Variants in DNAH17 observed in about 807,000 individuals in gnomAD.
DNAH17 encodes the protein dynein axonemal heavy chain 17, also known as axonemal beta dynein heavy chain 17.
A neutral mutation model predicts 485.6 loss-of-function variants in DNAH17; 376 were observed. That is an observed-to-expected ratio of 0.77 (90% CI 0.71 to 0.84). The LOEUF is 0.84. Ranked by LOEUF, DNAH17 falls within the 40% of genes least tolerant of loss-of-function variation. DNAH17 has a pLI of 0.00. For missense variants in DNAH17, 6,370 were observed against 5,839.3 expected (o/e 1.09, Z -2.96); for synonymous variants, 3,031 against 2,405.9 (o/e 1.26, Z -7.60).
intron 17 of DNAH17, among the ~76,000 whole-genome samples, chr17:78,543,466 A>G (rs1001348109): frequency 5.3e-5 from 8 of 150,564 alleles, no homozygotes; most frequent in Non-Finnish European, 1.0e-4. Flanking sequence ...AATTTTTTGT[A>G]TTTTTAGTAG....
At chr17:78,537,967 C>T (rs995167940) in intron 18 of DNAH17, among the ~76,000 whole-genome samples, 12 of 152,048 alleles carry the variant, frequency 7.9e-5, no homozygotes, top group African/African-American at 2.7e-4. Flanking sequence ...GGCGAAGCCC[C>T]GTCTCTACTA....
At chr17:78,540,352 G>T (rs887517435) in intron 17 of DNAH17, among the ~76,000 whole-genome samples, 2 of 144,140 alleles carry the variant, frequency 1.4e-5, no homozygotes, top group Non-Finnish European at 1.5e-5. Flanking sequence ...GGGTGGGGTG[G>T]GTGGATGGAC....
chr17:78,454,782 G>A, intron 63 of DNAH17, 77 bp from the exon 64 acceptor site: 1 of 1,291,066 alleles, frequency 7.7e-7, no homozygotes, highest in Non-Finnish European at 1.1e-6. Flanking sequence ...TCCAAATAAT[G>A]CTCTGTCTGG....
chr17:78,530,215 A>T, intron 21 of DNAH17, 128 bp downstream of exon 21: 2 of 1,187,146 alleles, frequency 1.7e-6, no homozygotes, highest in Non-Finnish European at 2.3e-6. Flanking sequence ...GTTGGCCTTG[A>T]AGCCCAGCCT....
At chr17:78,491,728 C>T (rs1313017944) in intron 42 of DNAH17, among the ~76,000 whole-genome samples, 158 bp from the exon 43 acceptor site, 30 of 152,178 alleles carry the variant, frequency 2.0e-4, no homozygotes, top group Admixed American at 2.0e-3. Flanking sequence ...GGCTCCCTGC[C>T]CTCCGTTCTC....
At chr17:78,542,127 A>G (rs2091610335) in intron 17 of DNAH17, among the ~76,000 whole-genome samples, 1 of 146,260 alleles carries the variant, frequency 6.8e-6, no homozygotes, top group Non-Finnish European at 1.5e-5. Flanking sequence ...GCCCCCCCCA[A>G]AAACTGCCCT....
chr17:78,493,837 G>A (rs1485799798), intron 41 of DNAH17, among the ~76,000 whole-genome samples, 199 bp downstream of exon 41: 1 of 152,208 alleles, frequency 6.6e-6, no homozygotes, highest in Admixed American at 6.5e-5. Context: ...AGGGATCAGG[G>A]ATCAGGGGCT....
rs754618695 is a variant in DNAH17, at chr17:78,484,899, G to C, written c.7618C>G (p.Leu2540Val). Residue 2540 changes from leucine to valine, a missense_variant, in exon 48 of 81, where the codon CTC becomes GTC. By Grantham distance (32) the Leu-to-Val change is conservative. Transcript: ENST00000389840. The part of the protein sequence containing the change: ...DKYGTVAPHT[L>V]IRQHMDHRHW... ...CGGTGGTCCATGTGCTGCCGGATGA[G>C]GGTGTGCGGGGCCACCGTCCCATAC... 27 of 1,586,132 alleles carry C rather than the reference G, an allele frequency of 1.7e-5. No homozygotes were observed. Among genetic ancestry groups the C allele is most frequent in the South Asian group, 2.3e-5 (2 of 87,412 alleles).
At chr17:78,542,663 C>A (rs182427256) in intron 17 of DNAH17, among the ~76,000 whole-genome samples, 1 of 152,186 alleles carries the variant, frequency 6.6e-6, no homozygotes, top group African/African-American at 2.4e-5. Context: ...AATGTGCCAA[C>A]CATGGGGGCT....
At chr17:78,564,093 G>A (rs1467351842) in intron 11 of DNAH17, among the ~76,000 whole-genome samples, 2 of 152,102 alleles carry the variant, frequency 1.3e-5, no homozygotes, top group African/African-American at 2.4e-5. Flanking sequence ...TTCTGCAGAG[G>A]TCGGGTTGGG....
At chr17:78,424,670 T>C (rs2086342658) in intron 80 of DNAH17, 1 of 154,784 alleles carries the variant, frequency 6.5e-6, no homozygotes, top group Admixed American at 6.3e-5. Context: ...TCTTTGGTTG[T>C]GTGGGAAATG....
In DNAH17 at chr17:78,551,615, C is replaced by A. The variant is rs2091903631; in HGVS notation, c.2311G>T (p.Val771Leu). Residue 771 changes from valine to leucine, a missense_variant, in exon 16 of 81, where the codon GTG (valine) becomes TTG (leucine). Coordinates refer to ENST00000389840, the MANE Select transcript of DNAH17 (RefSeq NM_173628.4). ...TGCAAGTTGTGCAGAATTTCTCGCA[C>A]CTCTTGAATGTACTGAAACACACCT... The part of the protein sequence containing the change: ...GEGVFQYIQE[V>L]REILHNLQNR... 2 of 1,613,940 alleles carry A rather than the reference C, an allele frequency of 1.2e-6. No homozygotes were observed. Among genetic ancestry groups the A allele is most frequent in the East Asian group, 4.5e-5 (2 of 44,882 alleles).
At chr17:78,501,012 C>A in intron 35 of DNAH17, 172 bp downstream of exon 35, 1 of 698,232 alleles carries the variant, frequency 1.4e-6, no homozygotes, top group Non-Finnish European at 2.1e-6. Flanking sequence ...GCCACACAGC[C>A]GGTGCTAGAA....
At chr17:78,518,632 C>T (rs2090851373) in intron 25 of DNAH17, among the ~76,000 whole-genome samples, 1 of 152,176 alleles carries the variant, frequency 6.6e-6, no homozygotes. Context: ...GACAGAACAA[C>T]ACAACCAACT....
chr17:78,424,600 ATTTAATGGTG>A (rs2086334555), intron 80 of DNAH17: 3 of 156,654 alleles, frequency 1.9e-5, no homozygotes, highest in Admixed American at 1.9e-4. Context: ...TACTCGCCCT[ATTTAATGGTG>A]TTTTTATTTC....
chr17:78,568,111 G>A (rs1382252765), intron 9 of DNAH17, among the ~76,000 whole-genome samples: 4 of 152,080 alleles, frequency 2.6e-5, no homozygotes, highest in East Asian at 1.9e-4. Context: ...AAGCTGGCAT[G>A]GCCTGTTGTC....
At chr17:78,439,283 T>A in intron 72 of DNAH17, 66 bp from the exon 73 acceptor site, 1 of 1,513,422 alleles carries the variant, frequency 6.6e-7, no homozygotes, top group Non-Finnish European at 8.8e-7. Context: ...GGCTCTGTGA[T>A]CTACAGCCAG....
rs766958600 is a variant in DNAH17, at chr17:78,466,655, C to G, written c.8940G>C (p.Pro2980=). The part of the protein sequence containing the change: ...ARFLEETEGI[P]WEVKASISFF... Reference sequence around the variant, plus strand: ...GGCAGAGGTGGCCTCAGTGACTCACCGGAATCCCCTCAGTCTCCTCCAGGA... The same window carrying G: ...GGCAGAGGTGGCCTCAGTGACTCACGGGAATCCCCTCAGTCTCCTCCAGGA... Residue 2980 remains proline (P), a splice_region_variant and synonymous_variant, in exon 56 of 81, where the codon CCG becomes CCC. Coordinates refer to ENST00000389840, the MANE Select transcript of DNAH17 (RefSeq NM_173628.4). 1.9e-6 allele frequency: 3 copies of G among 1,605,616 alleles called. No individual in the cohort carries two copies. The highest frequency in any genetic ancestry group is 2.6e-6 in the Non-Finnish European group (3 of 1,176,096).
intron 51 of DNAH17, 44 bp downstream of exon 51, chr17:78,478,981 C>A (rs181534758): frequency 2.2e-5 from 35 of 1,563,866 alleles, no homozygotes; most frequent in Non-Finnish European, 2.9e-5. Context: ...GGATCAGGCA[C>A]TGGACCGTAA....
Sources: gnomAD v4.1 joint callset for allele counts (sites outside exome capture counted in the v4.1 genomes callset) on GRCh38, gnomAD v4.1.1 for gene constraint, MANE v1.5 for transcripts, NCBI Gene and HGNC (gene_info 2026-07-23, HGNC 2026-07-21) for gene names.